Variants in SCAF4 observed in about 807,000 individuals in gnomAD.
SCAF4 encodes the protein SR-related and CTD-associated factor 4.
Under a neutral mutation model 129.8 loss-of-function variants are expected in SCAF4, and 25 were observed. That is an observed-to-expected ratio of 0.19 (90% CI 0.14 to 0.27). The LOEUF (loss-of-function observed/expected upper bound fraction) is 0.27. Ranked by LOEUF, SCAF4 falls within the 10% of genes least tolerant of loss-of-function variation. The probability of loss-of-function intolerance (pLI) is 1.00; values close to 1 mark genes in which losing one functional copy is unlikely to be tolerated. For missense variants in SCAF4, 1,246 were observed against 1,457.1 expected, an observed-to-expected ratio of 0.86 and a Z score of 2.36; for synonymous variants, 551 against 497.7, an observed-to-expected ratio of 1.11 and a Z score of -1.43.
chr21:31,728,232 A>G (rs942908585), intron 1 of SCAF4, among the ~76,000 whole-genome samples: 1 of 152,198 alleles, frequency 6.6e-6, no homozygotes, highest in African/African-American at 2.4e-5. Flanking sequence ...AGACTTATAT[A>G]TATACATATA....
chr21:31,724,698 T>G (rs560486471), intron 1 of SCAF4, among the ~76,000 whole-genome samples: 1 of 152,314 alleles, frequency 6.6e-6, no homozygotes, highest in African/African-American at 2.4e-5. Flanking sequence ...CTACAATTTT[T>G]ACAGTGGCTT....
intron 1 of SCAF4, among the ~76,000 whole-genome samples, chr21:31,720,965 T>A (rs1441237341): frequency 1.3e-5 from 2 of 152,240 alleles, no homozygotes; most frequent in South Asian, 2.1e-4. Context: ...TAACCTGACA[T>A]TTCTGTGTAT....
At chr21:31,678,562 C>A (rs1442160083) in intron 19 of SCAF4, among the ~76,000 whole-genome samples, 1 of 145,820 alleles carries the variant, frequency 6.9e-6, no homozygotes, top group Non-Finnish European at 1.6e-5. Context: ...AAAGACTCTA[C>A]ACCATTTCCC....
intron 3 of SCAF4, among the ~76,000 whole-genome samples, chr21:31,704,187 A>T (rs1488951524): frequency 6.6e-6 from 1 of 152,072 alleles, no homozygotes; most frequent in Admixed American, 6.5e-5. Context: ...CAATGTCCCA[A>T]AATCGACATT....
chr21:31,708,056 T>C (rs1601243868), intron 1 of SCAF4, among the ~76,000 whole-genome samples: 1 of 152,182 alleles, frequency 6.6e-6, no homozygotes, highest in East Asian at 1.9e-4. Flanking sequence ...AAATTATCTT[T>C]GAGAATAAAA....
Position 31,690,897 on chromosome 21 carries a change from T to G in SCAF4, c.1785A>C (p.Val595=). 1 of 1,613,452 alleles carries G rather than the reference T, an allele frequency of 6.2e-7. No individual in the cohort carries two copies. The part of the protein sequence containing the change: ...IKADYKQYWD[V]ELGVTYIPWD... ...ATGGAATATAAGTAACACCAAGTTCTACATCCCAATACTGCTTATAATCTG... is the reference window on the plus strand; with the variant it reads ...ATGGAATATAAGTAACACCAAGTTCGACATCCCAATACTGCTTATAATCTG... The change falls in exon 15 of 20, where the codon GTA becomes GTC. Residue 595 remains valine (V), a synonymous_variant. Transcript: ENST00000286835.
At chr21:31,694,131 T>C (rs1375005733) in intron 11 of SCAF4, 73 bp downstream of exon 11, 1 of 802,792 alleles carries the variant, frequency 1.2e-6, no homozygotes, top group Non-Finnish European at 2.1e-6. Flanking sequence ...TATCTGAAAA[T>C]AACCCAATCT....
At chr21:31,730,158 GAA>G (rs1269113661) in intron 1 of SCAF4, among the ~76,000 whole-genome samples, 2 of 152,180 alleles carry the variant, frequency 1.3e-5, no homozygotes, top group African/African-American at 4.8e-5. Flanking sequence ...GAGAAGCGGG[GAA>G]AAGAACTGAA....
intron 7 of SCAF4, among the ~76,000 whole-genome samples, chr21:31,700,579 A>G (rs1159833996): frequency 6.6e-6 from 1 of 152,210 alleles, no homozygotes; most frequent in Non-Finnish European, 1.5e-5. Flanking sequence ...ATACAAGAGT[A>G]TTAACACCAA....
At chr21:31,677,379 A>G (rs1392746690) in intron 19 of SCAF4, among the ~76,000 whole-genome samples, 1 of 152,094 alleles carries the variant, frequency 6.6e-6, no homozygotes, top group Non-Finnish European at 1.5e-5. Context: ...CAAAAATTAA[A>G]AACTCCCTCA....
At chr21:31,694,389 A>T (rs1487122074) in intron 10 of SCAF4, 100 bp from the exon 11 acceptor site, 1 of 725,810 alleles carries the variant, frequency 1.4e-6, no homozygotes, top group Non-Finnish European at 2.2e-6. Flanking sequence ...CCTTCCCTGA[A>T]GCAATTCTCT....
chr21:31,690,775 G>T, intron 15 of SCAF4, 22 bp downstream of exon 15: 1 of 1,601,792 alleles, frequency 6.2e-7, no homozygotes, highest in Non-Finnish European at 8.5e-7. Flanking sequence ...TGAACTGTAA[G>T]AGAAATTAAA....
At chr21:31,679,001 T>C (rs1420590085) in intron 19 of SCAF4, among the ~76,000 whole-genome samples, 2 of 152,180 alleles carry the variant, frequency 1.3e-5, no homozygotes, top group Non-Finnish European at 2.9e-5. Flanking sequence ...TATGAGTGAA[T>C]GGTGTTTGCA....
rs1248727585 is a variant in SCAF4 at position 31,717,878 on chromosome 21, CAT to C, written c.31-11523_31-11522del. 2.8e-3 allele frequency among the ~76,000 whole-genome samples: 300 copies of C among 105,698 alleles called. 2 individuals carry two copies. The highest frequency in any genetic ancestry group is 6.7e-3 in the African/African-American group (149 of 22,192). 69.3% of individuals were successfully genotyped at this position (105,698 alleles called of 152,430 possible). On this transcript the variant is annotated intron_variant, in intron 1 of 19. Coordinates refer to ENST00000286835, the MANE Select transcript of SCAF4 (RefSeq NM_020706.2). ...ACACACACACACACACACATATACA[CAT>C]ATATACACATATATACACATATATA...
chr21:31,732,036 G>C lies in SCAF4; in HGVS notation c.-344C>G. On this transcript the variant is annotated 5_prime_UTR_variant, in exon 1 of 20. Coordinates refer to ENST00000286835, the MANE Select transcript of SCAF4 (RefSeq NM_020706.2). ...TCACGCACTGGCTCACACTGGCCCGGCCGGCGAGCGGGCGGGCCTCTCTCT... is the reference window on the plus strand; with the variant it reads ...TCACGCACTGGCTCACACTGGCCCGCCCGGCGAGCGGGCGGGCCTCTCTCT... 1 of 432,698 alleles carries C rather than the reference G, an allele frequency of 2.3e-6. No individual in the cohort carries two copies. The highest frequency in any genetic ancestry group is 6.9e-5 in the South Asian group (1 of 14,472). 26.8% of individuals were successfully genotyped at this position (432,698 alleles called of 1,614,324 possible). A position where few individuals can be genotyped will look rare whatever the true frequency, so the allele number is the denominator to read the frequency against.
At chr21:31,706,155 G>A in intron 2 of SCAF4, 119 bp downstream of exon 2, 7 of 695,060 alleles carry the variant, frequency 1.0e-5, no homozygotes, top group South Asian at 5.2e-5. Flanking sequence ...AGCAAAGGCT[G>A]GTTAGGGCTC....
At chr21:31,717,878 CATAT>C (rs1248727585) in intron 1 of SCAF4, among the ~76,000 whole-genome samples, 64 of 105,796 alleles carry the variant, frequency 6.0e-4, no homozygotes, top group Non-Finnish European at 8.0e-4. Context: ...CACATATACA[CATAT>C]ATACACATAT....
chr21:31,700,274 T>TA (rs2050493075), intron 7 of SCAF4, among the ~76,000 whole-genome samples: 1 of 151,038 alleles, frequency 6.6e-6, no homozygotes, highest in African/African-American at 2.4e-5. Flanking sequence ...ACATATATAT[T>TA]AAAAATAAAT....
chr21:31,688,703 C>G (rs2050188399), intron 15 of SCAF4, among the ~76,000 whole-genome samples: 2 of 152,150 alleles, frequency 1.3e-5, no homozygotes, highest in Admixed American at 1.3e-4. Flanking sequence ...GTTCTCACAA[C>G]CATTTACAAG....
Sources: gnomAD v4.1 joint callset for allele counts (sites outside exome capture counted in the v4.1 genomes callset) on GRCh38, gnomAD v4.1.1 for gene constraint, MANE v1.5 for transcripts, NCBI Gene and HGNC (gene_info 2026-07-23, HGNC 2026-07-21) for gene names.